BICD1: variants seen among roughly 807,000 people sequenced by gnomAD.
BICD1 encodes the protein BICD cargo adaptor 1.
Under a neutral mutation model 92.5 loss-of-function variants are expected in BICD1, and 35 were observed. The observed-to-expected ratio is 0.38, with a 90% CI of 0.29 to 0.50. The LOEUF is 0.50. Among genes scored for constraint, BICD1 ranks in the 20% least tolerant of loss-of-function variants. The pLI is 0.93. For missense variants in BICD1, 950 were observed against 1,189.8 expected (o/e 0.80, Z 2.97); for synonymous variants, 429 against 465.1 (o/e 0.92, Z 1.00).
intron 9 of BICD1, among the ~76,000 whole-genome samples, chr12:32,370,715 A>G (rs900092525): frequency 2.0e-5 from 3 of 152,246 alleles, no homozygotes; most frequent in African/African-American, 4.8e-5. Context: ...TCAGATGACA[A>G]TAGATACTGA....
intron 1 of BICD1, among the ~76,000 whole-genome samples, chr12:32,143,482 T>A (rs1943012642): frequency 6.6e-6 from 1 of 152,198 alleles, no homozygotes; most frequent in African/African-American, 2.4e-5. Context: ...TGTGAGATTC[T>A]CCAGGTTGTT....
intron 1 of BICD1, among the ~76,000 whole-genome samples, chr12:32,118,737 T>G (rs543092393): frequency 6.6e-6 from 1 of 152,344 alleles, no homozygotes; most frequent in East Asian, 1.9e-4. Flanking sequence ...TCACCCAGAC[T>G]GAGGGATGAC....
At chr12:32,233,204 C>G (rs1464370446) in intron 2 of BICD1, among the ~76,000 whole-genome samples, 1 of 151,642 alleles carries the variant, frequency 6.6e-6, no homozygotes, top group East Asian at 1.9e-4. Context: ...CACATGTAAC[C>G]CCGGCTACTC....
chr12:32,132,145 C>T (rs1445838843), intron 1 of BICD1, among the ~76,000 whole-genome samples: 2 of 152,076 alleles, frequency 1.3e-5, no homozygotes, highest in African/African-American at 4.8e-5. Context: ...GGGCTGGGCA[C>T]TGTGGCTCAC....
At chr12:32,169,253 C>A (rs537423960) in intron 1 of BICD1, among the ~76,000 whole-genome samples, 4 of 152,236 alleles carry the variant, frequency 2.6e-5, no homozygotes, top group East Asian at 1.9e-4. Context: ...TTTACCTACT[C>A]TGATACTTAG....
At chr12:32,332,028 A>G (rs572673221) in intron 5 of BICD1, among the ~76,000 whole-genome samples, 1 of 152,218 alleles carries the variant, frequency 6.6e-6, no homozygotes, top group African/African-American at 2.4e-5. Flanking sequence ...GCATTCTACT[A>G]TACAGCCATA....
intron 3 of BICD1, among the ~76,000 whole-genome samples, chr12:32,301,130 C>T (rs1948033739): frequency 6.6e-6 from 1 of 152,160 alleles, no homozygotes; most frequent in Admixed American, 6.5e-5. Flanking sequence ...AAGTCACCTG[C>T]AAAGCAGTAA....
chr12:32,232,251 T>C (rs1432827992), intron 2 of BICD1, among the ~76,000 whole-genome samples: 4 of 148,716 alleles, frequency 2.7e-5, no homozygotes, highest in South Asian at 2.2e-4. Context: ...CAGCACCTGT[T>C]GTTTCCTGAC....
At chr12:32,321,924 A>C (rs1369944282) in intron 4 of BICD1, among the ~76,000 whole-genome samples, 1 of 151,674 alleles carries the variant, frequency 6.6e-6, no homozygotes, top group Non-Finnish European at 1.5e-5. Context: ...ACTTGAACCT[A>C]GAAGGCGGAG....
intron 2 of BICD1, among the ~76,000 whole-genome samples, chr12:32,250,654 A>G (rs889943039): frequency 6.6e-6 from 1 of 152,188 alleles, no homozygotes; most frequent in Non-Finnish European, 1.5e-5. Flanking sequence ...GCATACAGAC[A>G]TATTCTCAGT....
chr12:32,152,518 A>G (rs748579816), intron 1 of BICD1, among the ~76,000 whole-genome samples: 1 of 152,080 alleles, frequency 6.6e-6, no homozygotes, highest in Non-Finnish European at 1.5e-5. Flanking sequence ...GAGCCAATGC[A>G]CCTGGCTGAG....
intron 2 of BICD1, among the ~76,000 whole-genome samples, chr12:32,286,956 T>C (rs1565643194): frequency 6.6e-6 from 1 of 152,202 alleles, no homozygotes; most frequent in Admixed American, 6.5e-5. Context: ...AAGTATGTAC[T>C]CCATGCTAAA....
intron 2 of BICD1, among the ~76,000 whole-genome samples, chr12:32,287,529 GTGTTTTTTTTTT>G (rs149067047): frequency 0.074 from 10,767 of 145,718 alleles, 601 homozygotes; most frequent in Non-Finnish European, 0.11. Context: ...CAGCTGGGTG[GTGTTTTTTTTTT>G]TGTTTTTTTT....
intron 3 of BICD1, among the ~76,000 whole-genome samples, chr12:32,297,045 G>A (rs982577979): frequency 3.3e-5 from 5 of 152,082 alleles, no homozygotes; most frequent in Non-Finnish European, 7.3e-5. Context: ...ATCATTTTCT[G>A]CACAGAGCAC....
At chr12:32,366,664 A>AACAC (rs997205870) in intron 8 of BICD1, among the ~76,000 whole-genome samples, 51 of 152,312 alleles carry the variant, frequency 3.3e-4, no homozygotes, top group African/African-American at 1.2e-3. Context: ...CAAACAAACA[A>AACAC]ACACATATAA....
chr12:32,376,636 G>A (rs1417446750), intron 9 of BICD1, among the ~76,000 whole-genome samples: 1 of 151,982 alleles, frequency 6.6e-6, no homozygotes, highest in East Asian at 1.9e-4. Flanking sequence ...GGGAGGCCGA[G>A]GCAGGTGGAT....
chr12:32,157,152 T>C (rs1407228951), intron 1 of BICD1, among the ~76,000 whole-genome samples: 1 of 152,174 alleles, frequency 6.6e-6, no homozygotes. Context: ...TTGAAAATAT[T>C]TGATATTGAT....
In BICD1 at chr12:32,328,112, G is replaced by C. The variant is rs201635417; in HGVS notation, c.1657G>C (p.Asp553His). ...CCGCAGTGGCAGCCTGAAAGGGCCC[G>C]ATGATCCCAGAGGACTTTTGTCCCC... Reference protein sequence around the residue: ...VTRSGSLKGPDDPRGLLSPRL... With the variant: ...VTRSGSLKGPHDPRGLLSPRL... Residue 553 changes from aspartate (D) to histidine (H), a missense_variant, in exon 5 of 10, where the codon GAT becomes CAT. Transcript: ENST00000652176. This position sits in a 1 kb window ranked among gnomAD's most constrained non-coding sequence, Gnocchi z 4.4. The C allele has an allele frequency of 1.2e-6, 2 of 1,614,142 alleles. No individual in the cohort carries two copies. The highest frequency in any genetic ancestry group is 2.2e-5 in the East Asian group (1 of 44,884).
At chr12:32,178,685 G>A (rs915088863) in intron 1 of BICD1, among the ~76,000 whole-genome samples, 2 of 151,998 alleles carry the variant, frequency 1.3e-5, no homozygotes, top group Non-Finnish European at 2.9e-5. Context: ...CTATCTAGTG[G>A]ATGGACCATA....
Sources: allele counts gnomAD v4.1 joint callset (sites outside exome capture counted in the v4.1 genomes callset), GRCh38; gene constraint gnomAD v4.1.1; non-coding constraint Gnocchi (gnomAD v3.1); transcripts MANE v1.5; gene names NCBI Gene and HGNC (gene_info 2026-07-23, HGNC 2026-07-21).